The following CDH13 variants were observed in gnomAD, a reference collection of about 807,000 sequenced individuals.
The protein encoded by CDH13 is cadherin 13, also known as cadherin-13.
In CDH13, 24 loss-of-function variants were observed where a neutral mutation model predicts 63.8. That is an observed-to-expected ratio of 0.38 (90% CI 0.27 to 0.53). The LOEUF (loss-of-function observed/expected upper bound fraction) is 0.53, where lower values mean the gene tolerates loss of function less well. Ranked by LOEUF, CDH13 falls within the 20% of genes least tolerant of loss-of-function variation. The pLI, the probability that CDH13 is intolerant of heterozygous loss-of-function variation, is 0.85. For synonymous variants in CDH13, 503 were observed against 355.3 expected (o/e 1.42, Z -4.67); for missense variants, 1,049 against 903.1 (o/e 1.16, Z -2.07).
chr16:82,850,652 G>T (rs145669475), intron 1 of CDH13, among the ~76,000 whole-genome samples: 1 of 152,170 alleles, frequency 6.6e-6, no homozygotes, highest in Admixed American at 6.5e-5. Context: ...ATGCTATAGA[G>T]AAATCATTCG....
At chr16:82,721,962 C>T (rs143996896) in intron 1 of CDH13, among the ~76,000 whole-genome samples, 8 of 152,192 alleles carry the variant, frequency 5.3e-5, no homozygotes, top group African/African-American at 1.9e-4. Context: ...GTGTCACATG[C>T]TTGAGTTCTG....
chr16:83,562,510 A>T (rs2075726846), intron 7 of CDH13, among the ~76,000 whole-genome samples: 2 of 152,228 alleles, frequency 1.3e-5, no homozygotes, highest in Non-Finnish European at 2.9e-5. Flanking sequence ...CTATTTCATG[A>T]AAGATTGGTA....
rs115507274 is a variant in CDH13 at position 83,089,759 on chromosome 16, C to G, written c.367-35626C>G. On this transcript the variant is annotated intron_variant, in intron 3 of 13. Transcript: ENST00000567109. Reference sequence around the variant, plus strand: ...AAGGGCTACACGTCGGAAATGGGATCTAAGTAAACGTAGAGTCCACAAGTT... The same window carrying G: ...AAGGGCTACACGTCGGAAATGGGATGTAAGTAAACGTAGAGTCCACAAGTT... 7.6e-3 allele frequency among the ~76,000 whole-genome samples: 1,156 copies of G among 152,304 alleles called. 22 individuals carry two copies. Among genetic ancestry groups the G allele is most frequent in the African/African-American group, 0.025 (1,037 of 41,548 alleles).
At chr16:83,630,765 A>C (rs1046289603) in intron 8 of CDH13, among the ~76,000 whole-genome samples, 3 of 152,156 alleles carry the variant, frequency 2.0e-5, no homozygotes, top group Non-Finnish European at 4.4e-5. Flanking sequence ...AAGTTTTTAG[A>C]GTAAAGATCT....
intron 1 of CDH13, among the ~76,000 whole-genome samples, chr16:82,803,012 T>C (rs2036944320): frequency 6.6e-6 from 1 of 152,256 alleles, no homozygotes; most frequent in African/African-American, 2.4e-5. Flanking sequence ...TGTTCGGTTT[T>C]CTTCCTTCCA....
intron 2 of CDH13, among the ~76,000 whole-genome samples, chr16:82,869,035 T>C (rs1345732061): frequency 2.6e-5 from 4 of 152,218 alleles, no homozygotes; most frequent in African/African-American, 9.6e-5. Flanking sequence ...TGATAACTGC[T>C]ACATTGTGTA....
At chr16:83,409,820 A>G (rs766988114) in intron 6 of CDH13, among the ~76,000 whole-genome samples, 1 of 152,236 alleles carries the variant, frequency 6.6e-6, no homozygotes, top group Non-Finnish European at 1.5e-5. Flanking sequence ...TTCTTGGGAT[A>G]TCAGTAAGTC....
intron 3 of CDH13, among the ~76,000 whole-genome samples, chr16:83,113,852 G>A (rs943789653): frequency 2.6e-5 from 4 of 152,180 alleles, no homozygotes; most frequent in Non-Finnish European, 4.4e-5. Flanking sequence ...AGCACTTGAG[G>A]TCAGAGTGGT....
intron 7 of CDH13, among the ~76,000 whole-genome samples, chr16:83,503,031 C>A (rs755485917): frequency 6.6e-6 from 1 of 152,178 alleles, no homozygotes; most frequent in Admixed American, 6.5e-5. Context: ...GCTTCAGTTA[C>A]ATAAATCCAG....
chr16:82,980,835 T>C (rs1222200546), intron 2 of CDH13, among the ~76,000 whole-genome samples: 1 of 152,216 alleles, frequency 6.6e-6, no homozygotes, highest in Non-Finnish European at 1.5e-5. Context: ...TGACTGAGCA[T>C]TCATGAGAGC....
At chr16:83,375,112 A>G (rs1125293) in intron 6 of CDH13, among the ~76,000 whole-genome samples, 43,324 of 152,110 alleles carry the variant, frequency 0.28, 6,276 homozygotes, top group Middle Eastern at 0.41. Context: ...AGCATTCGGT[A>G]TATTCCCACC....
intron 8 of CDH13, among the ~76,000 whole-genome samples, chr16:83,647,028 C>G (rs894741618): frequency 3.3e-5 from 5 of 151,784 alleles, no homozygotes; most frequent in Admixed American, 6.6e-5. Flanking sequence ...ACAGTAACAT[C>G]GGCCAGGCGC....
chr16:83,261,685 A>T (rs1310369371), intron 5 of CDH13, among the ~76,000 whole-genome samples: 2 of 149,894 alleles, frequency 1.3e-5, no homozygotes, highest in Non-Finnish European at 3.0e-5. Context: ...CATGATAGTG[A>T]CGGTTTTCTT....
intron 4 of CDH13, among the ~76,000 whole-genome samples, chr16:83,182,245 T>A (rs1198212871): frequency 1.3e-5 from 2 of 152,198 alleles, no homozygotes; most frequent in Non-Finnish European, 2.9e-5. Flanking sequence ...TTTCTCCTCA[T>A]CTGGATCTTT....
chr16:83,044,474 C>T (rs1448466691), intron 3 of CDH13, among the ~76,000 whole-genome samples: 1 of 152,140 alleles, frequency 6.6e-6, no homozygotes, highest in Non-Finnish European at 1.5e-5. Context: ...AAAAACTTTT[C>T]CTGTGAATAG....
intron 1 of CDH13, among the ~76,000 whole-genome samples, chr16:82,760,916 G>A (rs550796588): frequency 2.6e-5 from 4 of 151,624 alleles, no homozygotes; most frequent in East Asian, 3.9e-4. Context: ...ACTCATGATC[G>A]CAGGGTTGGC....
chr16:83,465,768 C>G (rs2073299215), intron 6 of CDH13, among the ~76,000 whole-genome samples: 1 of 152,192 alleles, frequency 6.6e-6, no homozygotes, highest in Non-Finnish European at 1.5e-5. Flanking sequence ...TTTTACTCTT[C>G]TGGTTTCATT....
intron 4 of CDH13, among the ~76,000 whole-genome samples, chr16:83,145,340 T>C (rs527734137): frequency 4.6e-5 from 7 of 152,342 alleles, no homozygotes; most frequent in Middle Eastern, 3.4e-3. Context: ...CCAACAGTTA[T>C]GACTCTGCCA....
chr16:82,789,529 TA>T (rs561415279), intron 1 of CDH13, among the ~76,000 whole-genome samples: 160 of 152,302 alleles, frequency 1.1e-3, no homozygotes, highest in African/African-American at 3.7e-3. Context: ...TCCAGTTTTA[TA>T]ATGAGGGAGC....
Sources: allele counts gnomAD v4.1 joint callset (sites outside exome capture counted in the v4.1 genomes callset), GRCh38; gene constraint gnomAD v4.1.1; transcripts MANE v1.5; gene names NCBI Gene and HGNC (gene_info 2026-07-23, HGNC 2026-07-21).